Variants in ERBB4 observed in about 807,000 individuals in gnomAD.
The protein encoded by ERBB4 is erb-b2 receptor tyrosine kinase 4.
ERBB4 carries 42 observed loss-of-function variants against 158.0 expected under a neutral mutation model. That is an observed-to-expected ratio of 0.27 (90% CI 0.21 to 0.34). The LOEUF (loss-of-function observed/expected upper bound fraction) is 0.34, where lower values mean the gene tolerates loss of function less well. Among genes scored for constraint, ERBB4 ranks in the 10% least tolerant of loss-of-function variants. The pLI, the probability that ERBB4 is intolerant of heterozygous loss-of-function variation, is 1.00. For missense variants in ERBB4, 1,333 were observed against 1,624.1 expected (o/e 0.82, Z 3.08); for synonymous variants, 583 against 558.7 (o/e 1.04, Z -0.61).
At chr2:212,060,000 C>T (rs939870930) in intron 2 of ERBB4, among the ~76,000 whole-genome samples, 1 of 152,134 alleles carries the variant, frequency 6.6e-6, no homozygotes, top group African/African-American at 2.4e-5. Context: ...TCAGAGTGAA[C>T]AGGCAAACTA....
At chr2:212,016,137 G>C (rs984636741) in intron 2 of ERBB4, among the ~76,000 whole-genome samples, 1 of 146,124 alleles carries the variant, frequency 6.8e-6, no homozygotes, top group Non-Finnish European at 1.5e-5. Context: ...ACAATGACTA[G>C]ACATATATAT....
At chr2:212,533,095 C>T (rs1692843564) in intron 1 of ERBB4, among the ~76,000 whole-genome samples, 2 of 152,024 alleles carry the variant, frequency 1.3e-5, no homozygotes, top group South Asian at 4.1e-4. Flanking sequence ...ATAAAAGAGA[C>T]CATAGAACAA....
intron 2 of ERBB4, among the ~76,000 whole-genome samples, chr2:212,114,392 A>G (rs2079511901): frequency 6.6e-6 from 1 of 152,206 alleles, no homozygotes; most frequent in South Asian, 2.1e-4. Context: ...GCTGAATACC[A>G]AAAGGAAGTT....
intron 4 of ERBB4, among the ~76,000 whole-genome samples, chr2:211,752,858 ATAT>A (rs2075174763): frequency 6.6e-6 from 1 of 152,172 alleles, no homozygotes; most frequent in South Asian, 2.1e-4. Flanking sequence ...TGTCTACTCG[ATAT>A]TATGAGATTT....
chr2:211,404,690 G>T (rs1252721510), intron 25 of ERBB4, among the ~76,000 whole-genome samples: 1 of 151,960 alleles, frequency 6.6e-6, no homozygotes, highest in Non-Finnish European at 1.5e-5. Context: ...TGAGTACCAA[G>T]GCTTCAGATG....
chr2:212,220,109 T>C (rs953436235), intron 1 of ERBB4, among the ~76,000 whole-genome samples: 1 of 149,392 alleles, frequency 6.7e-6, no homozygotes. Context: ...TTTTGTAGCA[T>C]TTCAAAGATC....
chr2:211,387,214 T>C lies in ERBB4; in HGVS notation c.3184-64A>G, dbSNP rs1044429915. 4.0e-6 allele frequency: 5 copies of C among 1,256,214 alleles called. No individual in the cohort carries two copies. The African/African-American group carries it at 5.8e-5, about 15-fold the overall frequency. 77.8% of individuals were successfully genotyped at this position (1,256,214 alleles called of 1,614,324 possible). A position where few individuals can be genotyped will look rare whatever the true frequency, so the allele number is the denominator to read the frequency against. On this transcript the variant is annotated intron_variant, in intron 26 of 27. Transcript: ENST00000342788. ...TTAGAAATAGTTTAAAAATGAATGT[T>C]AATAGCCACAAGGATATCAAAGCCA... is the stretch of plus-strand genomic sequence containing the variant.
intron 1 of ERBB4, among the ~76,000 whole-genome samples, chr2:212,480,252 C>A (rs1163987636): frequency 1.3e-5 from 2 of 151,986 alleles, no homozygotes; most frequent in Non-Finnish European, 2.9e-5. Flanking sequence ...TGAAATTGGA[C>A]CTTATTAATA....
intron 2 of ERBB4, among the ~76,000 whole-genome samples, chr2:212,106,871 C>T (rs994574145): frequency 2.0e-5 from 3 of 152,240 alleles, no homozygotes; most frequent in Non-Finnish European, 2.9e-5. Flanking sequence ...GCCTTGGTAG[C>T]ATCCACATGG....
At chr2:211,703,755 T>C (rs1300875312) in intron 11 of ERBB4, among the ~76,000 whole-genome samples, 1 of 152,204 alleles carries the variant, frequency 6.6e-6, no homozygotes, top group African/African-American at 2.4e-5. Context: ...ACAGCATTTG[T>C]ATCCTATACA....
intron 20 of ERBB4, among the ~76,000 whole-genome samples, chr2:211,461,899 A>AC (rs1016671118): frequency 2.0e-4 from 31 of 151,936 alleles, no homozygotes; most frequent in African/African-American, 7.0e-4. Context: ...AAAAAAAAAA[A>AC]CAATAAAACA....
In ERBB4 at chr2:211,630,725, T is replaced by C. The variant is rs539407218; in HGVS notation, c.1947-131A>G. On this transcript the variant is annotated intron_variant, in intron 16 of 27. Transcript: ENST00000342788. The stretch of plus-strand genomic sequence containing the variant: ...TAGTCATTTAGATGAAATGCAAATA[T>C]AAAAGTGCATTAGGTTTTGCTCTAC... 5 of 842,770 alleles carry C rather than the reference T, an allele frequency of 5.9e-6. No individual in the cohort carries two copies. The East Asian group carries it at 1.0e-4, about 18-fold the overall frequency. The allele number at this position is 842,770 out of a possible 1,614,324, so 52.2% of individuals were successfully genotyped here. A position where few individuals can be genotyped will look rare whatever the true frequency, so the allele number is the denominator to read the frequency against.
intron 3 of ERBB4, among the ~76,000 whole-genome samples, chr2:211,821,472 T>C (rs2076993474): frequency 6.6e-6 from 1 of 151,898 alleles, no homozygotes; most frequent in Non-Finnish European, 1.5e-5. Flanking sequence ...TTCAATGCAC[T>C]CCCTATCAAA....
intron 20 of ERBB4, among the ~76,000 whole-genome samples, chr2:211,477,601 A>G (rs183263468): frequency 1.2e-4 from 19 of 152,162 alleles, no homozygotes; most frequent in Non-Finnish European, 2.5e-4. Flanking sequence ...CTCTATGAAA[A>G]TGTATTAAAC....
intron 20 of ERBB4, among the ~76,000 whole-genome samples, chr2:211,451,795 A>G (rs2064253175): frequency 6.6e-6 from 1 of 152,214 alleles, no homozygotes; most frequent in South Asian, 2.1e-4. Flanking sequence ...TTAAGGCTGT[A>G]TAAAAGGATC....
chr2:211,557,301 A>T (rs2125712130), intron 20 of ERBB4, among the ~76,000 whole-genome samples: 1 of 152,352 alleles, frequency 6.6e-6, no homozygotes, highest in East Asian at 1.9e-4. Flanking sequence ...TTCACTGCAA[A>T]AGAAACTATC....
rs546224104 is a variant in ERBB4, at chr2:212,059,259, G to C, written c.234+65493C>G. Reference sequence around the variant, plus strand: ...GGGATGTGAAGGACCTCTTCAAGGAGAACAACAAACCACTGCTCAATGAAA... The same window carrying C: ...GGGATGTGAAGGACCTCTTCAAGGACAACAACAAACCACTGCTCAATGAAA... On this transcript the variant is annotated intron_variant, in intron 2 of 27. Transcript: ENST00000342788. Among the ~76,000 whole-genome samples, 547 of 152,244 alleles carry C rather than the reference G, an allele frequency of 3.6e-3. 4 individuals are homozygous for C. The highest frequency in any genetic ancestry group is 0.012 in the African/African-American group (500 of 41,524).
In ERBB4 at chr2:211,800,765, C is replaced by T. The variant is rs569067159; in HGVS notation, c.422-12606G>A. On this transcript the variant is annotated intron_variant, in intron 3 of 27. Coordinates refer to ENST00000342788, the MANE Select transcript of ERBB4 (RefSeq NM_005235.3). ...CTTTTGCCTCTGTCAAAAGTAGATG[C>T]AGAGGAAAAGGCAGCACAATAAAAA... 4.0e-5 allele frequency among the ~76,000 whole-genome samples: 6 copies of T among 150,916 alleles called. No homozygotes were observed. The South Asian group carries it at 1.0e-3, about 26-fold the overall frequency.
chr2:211,861,981 CT>C (rs2078068830), intron 3 of ERBB4, among the ~76,000 whole-genome samples: 1 of 152,110 alleles, frequency 6.6e-6, no homozygotes. Flanking sequence ...AATTTCTTTT[CT>C]TTTTCTATAT....
Sources: gnomAD v4.1 joint callset for allele counts (sites outside exome capture counted in the v4.1 genomes callset) on GRCh38, gnomAD v4.1.1 for gene constraint, MANE v1.5 for transcripts, NCBI Gene and HGNC (gene_info 2026-07-23, HGNC 2026-07-21) for gene names.